The following LINGO2 variants were observed in gnomAD, a reference collection of about 807,000 sequenced individuals.
LINGO2 encodes leucine rich repeat and Ig domain containing 2.
In LINGO2, 14 loss-of-function variants were observed where a neutral mutation model predicts 30.6. That is an observed-to-expected ratio of 0.46 (90% CI 0.30 to 0.72). LINGO2 has a LOEUF of 0.72. Among genes scored for constraint, LINGO2 ranks in the 30% least tolerant of loss-of-function variants. The pLI is 0.07. For synonymous variants in LINGO2, 317 were observed against 288.5 expected, an observed-to-expected ratio of 1.10 and a Z score of -1.00; for missense variants, 729 against 751.7, an observed-to-expected ratio of 0.97 and a Z score of 0.35.
chr9:28,149,424 G>T, intron 4 of LINGO2, among the ~76,000 whole-genome samples: 1 of 151,130 alleles, frequency 6.6e-6, no homozygotes, highest in East Asian at 2.0e-4. Flanking sequence ...CCTCTGCCCA[G>T]CTGCCCCACC....
intron 4 of LINGO2, among the ~76,000 whole-genome samples, chr9:28,153,083 T>A (rs1828042843): frequency 6.6e-6 from 1 of 152,182 alleles, no homozygotes; most frequent in Non-Finnish European, 1.5e-5. Flanking sequence ...TCACTATTCA[T>A]CTATCAGAGA....
the LINGO2 span, among the ~76,000 whole-genome samples, chr9:28,878,450 T>C: frequency 1.3e-5 from 2 of 152,154 alleles, no homozygotes; most frequent in East Asian, 1.9e-4. Context: ...ACTATTCCAA[T>C]CAATAGAAAA....
intron 3 of LINGO2, among the ~76,000 whole-genome samples, chr9:28,342,401 A>G (rs1403188388): frequency 6.6e-6 from 1 of 152,046 alleles, no homozygotes; most frequent in Non-Finnish European, 1.5e-5. Flanking sequence ...CCCATCCCCT[A>G]TGTCCACCCG....
At chr9:28,390,982 T>C (rs868571148) in intron 2 of LINGO2, among the ~76,000 whole-genome samples, 10 of 152,286 alleles carry the variant, frequency 6.6e-5, no homozygotes, top group Middle Eastern at 3.4e-3. Flanking sequence ...GTAAAAGTTA[T>C]CTGTTTGCAT....
At chr9:28,367,106 C>G (rs1002502075) in intron 3 of LINGO2, among the ~76,000 whole-genome samples, 1 of 136,152 alleles carries the variant, frequency 7.3e-6, no homozygotes, top group Non-Finnish European at 1.6e-5. Context: ...TTGGTTAAAT[C>G]AAAAGTCAGC....
chr9:28,328,533 G>T (rs1057280929), intron 3 of LINGO2, among the ~76,000 whole-genome samples: 41 of 148,070 alleles, frequency 2.8e-4, no homozygotes, highest in Admixed American at 2.3e-3. Context: ...TTTTTAGAAA[G>T]ATTTTTTAAA....
the LINGO2 span, among the ~76,000 whole-genome samples, chr9:29,073,406 CAGG>C: frequency 6.6e-6 from 1 of 152,034 alleles, no homozygotes; most frequent in Non-Finnish European, 1.5e-5. Flanking sequence ...TAGTCTAAAG[CAGG>C]AGAAGGCAAA....
chr9:29,131,430 T>C, the LINGO2 span, among the ~76,000 whole-genome samples: 2 of 152,130 alleles, frequency 1.3e-5, no homozygotes, highest in Non-Finnish European at 2.9e-5. Context: ...GGCAAAGGAC[T>C]GTCAGCTTTG....
chr9:28,629,628 G>T (rs557053507), intron 1 of LINGO2, among the ~76,000 whole-genome samples: 1 of 152,128 alleles, frequency 6.6e-6, no homozygotes, highest in South Asian at 2.1e-4. Context: ...GCCCACATCT[G>T]AAAATACAGC....
At chr9:27,999,042 T>C (rs1411214716) in intron 5 of LINGO2, among the ~76,000 whole-genome samples, 2 of 152,128 alleles carry the variant, frequency 1.3e-5, no homozygotes, top group Admixed American at 6.6e-5. Context: ...AGAGAATTTA[T>C]GTGCACCTAG....
At chr9:28,171,511 A>G (rs1282943044) in intron 4 of LINGO2, among the ~76,000 whole-genome samples, 1 of 152,148 alleles carries the variant, frequency 6.6e-6, no homozygotes, top group African/African-American at 2.4e-5. Flanking sequence ...GGGCTTGGGA[A>G]GCTCTCAAGA....
Position 28,305,700 on chromosome 9 carries a change from C to G in LINGO2, c.-245-10334G>C, listed in dbSNP as rs74511021. Among the ~76,000 whole-genome samples, 2,455 of 152,012 alleles carry G rather than the reference C, an allele frequency of 0.016. 148 individuals are homozygous for G. The East Asian group carries it at 0.2, about 12-fold the overall frequency. ...ACACTGAGAGCTATAAAACATTGCT[C>G]AGAAAAATTAGAATCCGTATGTAAT... On this transcript the variant is annotated intron_variant, in intron 3 of 5. Transcript: ENST00000379992.
the LINGO2 span, among the ~76,000 whole-genome samples, chr9:29,084,941 T>C: frequency 0.2 from 29,955 of 151,766 alleles, 3,094 homozygotes; most frequent in African/African-American, 0.24. Context: ...ATGCAATAAC[T>C]CGATAGAAAG....
the LINGO2 span, among the ~76,000 whole-genome samples, chr9:28,698,361 T>C: frequency 6.6e-6 from 1 of 152,196 alleles, no homozygotes; most frequent in East Asian, 1.9e-4. Flanking sequence ...AAAATTATCA[T>C]ATCTTTTCAA....
chr9:28,250,083 A>T (rs1715597201), intron 4 of LINGO2, among the ~76,000 whole-genome samples: 1 of 152,158 alleles, frequency 6.6e-6, no homozygotes, highest in Admixed American at 6.6e-5. Context: ...ACTGAAAATT[A>T]TCAAAAAGTG....
chr9:28,133,461 C>A (rs1232711317), intron 4 of LINGO2, among the ~76,000 whole-genome samples: 2 of 152,024 alleles, frequency 1.3e-5, no homozygotes, highest in African/African-American at 4.8e-5. Flanking sequence ...GGAAAAAAGT[C>A]TGGACTAGAG....
the LINGO2 span, among the ~76,000 whole-genome samples, chr9:29,107,018 A>T: frequency 2.0e-5 from 3 of 152,150 alleles, no homozygotes; most frequent in African/African-American, 7.2e-5. Context: ...TTATGGGCAA[A>T]ACCCCTTGAA....
the LINGO2 span, among the ~76,000 whole-genome samples, chr9:28,871,608 T>C: frequency 2.0e-5 from 3 of 151,978 alleles, no homozygotes; most frequent in Non-Finnish European, 4.4e-5. Context: ...AGCTATACTA[T>C]AGTGTAACCA....
the LINGO2 span, among the ~76,000 whole-genome samples, chr9:28,803,277 C>G: frequency 7.1e-3 from 1,073 of 151,684 alleles, 15 homozygotes; most frequent in African/African-American, 0.024. Context: ...CAAAGTGCAT[C>G]ATAAGTAGAA....
Sources: gnomAD v4.1 joint callset for allele counts (sites outside exome capture counted in the v4.1 genomes callset) on GRCh38, gnomAD v4.1.1 for gene constraint, MANE v1.5 for transcripts, NCBI Gene and HGNC (gene_info 2026-07-23, HGNC 2026-07-21) for gene names.